Variants in RASSF5 observed in about 807,000 individuals in gnomAD.
RASSF5 encodes the protein ras association domain-containing protein 5.
A neutral mutation model predicts 40.5 loss-of-function variants in RASSF5; 25 were observed. That is an observed-to-expected ratio of 0.62 (90% confidence interval 0.45 to 0.86). The LOEUF (loss-of-function observed/expected upper bound fraction) is 0.86. RASSF5 is among the 40% of genes least tolerant of loss of function. The pLI is 0.00. For synonymous variants in RASSF5, 246 were observed against 252.4 expected (o/e 0.97, Z 0.24); for missense variants, 521 against 572.8 (o/e 0.91, Z 0.92).
intron 1 of RASSF5, among the ~76,000 whole-genome samples, chr1:206,514,074 G>C (rs1666687932): frequency 6.6e-6 from 1 of 152,246 alleles, no homozygotes; most frequent in African/African-American, 2.4e-5. Context: ...TGCCGGGCCT[G>C]TTCTAGCATG....
At position 206,554,505 on chromosome 1, in the gene RASSF5, C is replaced by T. The variant is rs77750634; in HGVS notation, c.579+16212C>T. Among the ~76,000 whole-genome samples the T allele has an allele frequency of 1.6e-4, 25 of 152,304 alleles. No individual in the cohort carries two copies. In the East Asian group the frequency reaches 4.2e-3, roughly 26 times the overall value. On this transcript the variant is annotated intron_variant, in intron 2 of 5. Coordinates refer to ENST00000579436, the MANE Select transcript of RASSF5 (RefSeq NM_182663.4). The stretch of plus-strand genomic sequence containing the variant: ...TGGGGCTTTCTGAACCCCAGCACGA[C>T]GCCATGGATTTAGGGCTCTGGCTGC...
chr1:206,529,321 G>A (rs1473737399), intron 1 of RASSF5: 7 of 783,690 alleles, frequency 8.9e-6, no homozygotes, highest in South Asian at 5.6e-5. Flanking sequence ...CTTCGAGCAG[G>A]AGTTAACACC....
chr1:206,581,580 CA>C, intron 2 of RASSF5, among the ~76,000 whole-genome samples: 1 of 149,642 alleles, frequency 6.7e-6, no homozygotes, highest in Non-Finnish European at 1.5e-5. Flanking sequence ...GCCTGGGTGA[CA>C]GAGGGAGACG....
chr1:206,557,076 C>G (rs1668010070), intron 2 of RASSF5: 1 of 938,586 alleles, frequency 1.1e-6, no homozygotes, highest in Non-Finnish European at 1.3e-6. Flanking sequence ...CCACCGGGGG[C>G]GGGTGGCACC....
chr1:206,557,868 A>T (rs1668034188), intron 2 of RASSF5, among the ~76,000 whole-genome samples: 1 of 152,216 alleles, frequency 6.6e-6, no homozygotes, highest in African/African-American at 2.4e-5. Context: ...GACCTGCACT[A>T]TTCAGTTGGT....
chr1:206,520,736 G>C (rs1301393918), intron 1 of RASSF5, among the ~76,000 whole-genome samples: 3 of 152,152 alleles, frequency 2.0e-5, no homozygotes, highest in Non-Finnish European at 4.4e-5. Flanking sequence ...ATTTTTCCAA[G>C]TATAGGATAG....
At chr1:206,522,933 T>A (rs542468919) in intron 1 of RASSF5, among the ~76,000 whole-genome samples, 1 of 152,280 alleles carries the variant, frequency 6.6e-6, no homozygotes, top group African/African-American at 2.4e-5. Flanking sequence ...AAAGTAAAGC[T>A]AATTTAAAAG....
Position 206,587,580 on chromosome 1 carries a change from G to C in RASSF5, c.*602G>C, listed in dbSNP as rs1669169531. 2 of 156,438 alleles carry C rather than the reference G, an allele frequency of 1.3e-5. No homozygotes were observed. The highest frequency in any genetic ancestry group is 1.3e-4 in the Admixed American group (2 of 15,866). The allele number at this position is 156,438 out of a possible 1,614,324, so 9.7% of individuals were successfully genotyped here. Reference sequence around the variant, plus strand: ...CAGGGTAAGGAGCACCAAAGCTGAGGCTGGCTCAGAGATCTCCAGAGAAGC... The same window carrying C: ...CAGGGTAAGGAGCACCAAAGCTGAGCCTGGCTCAGAGATCTCCAGAGAAGC... On this transcript the variant is annotated 3_prime_UTR_variant, in exon 6 of 6. Transcript: ENST00000579436.
chr1:206,510,067 A>G, intron 1 of RASSF5, among the ~76,000 whole-genome samples: 1 of 152,150 alleles, frequency 6.6e-6, no homozygotes, highest in East Asian at 1.9e-4. Flanking sequence ...TTAATATTTA[A>G]CTAATTGTGA....
chr1:206,536,699 G>A (rs995614280), intron 1 of RASSF5, among the ~76,000 whole-genome samples: 15 of 152,240 alleles, frequency 9.9e-5, no homozygotes, highest in African/African-American at 3.4e-4. Context: ...AAAGCATTTC[G>A]AGGTGCCTGA....
At chr1:206,523,467 T>A (rs1452385765) in intron 1 of RASSF5, among the ~76,000 whole-genome samples, 1 of 112,326 alleles carries the variant, frequency 8.9e-6, no homozygotes, top group Non-Finnish European at 1.7e-5. Context: ...ATTAAATATA[T>A]TTTATATACA....
chr1:206,557,473 C>A (rs528249807), intron 2 of RASSF5: 13 of 1,561,922 alleles, frequency 8.3e-6, no homozygotes, highest in South Asian at 3.5e-5. Context: ...TAGGGGCTTA[C>A]GCCAAGCGGA....
chr1:206,579,267 G>C lies in RASSF5; in HGVS notation c.580-4002G>C, dbSNP rs982581593. On this transcript the variant is annotated intron_variant, in intron 2 of 5. Coordinates refer to ENST00000579436, the MANE Select transcript of RASSF5 (RefSeq NM_182663.4). The surrounding 1 kb of genome is among the most constrained non-coding windows in gnomAD (Gnocchi z 4.2). ...AATTCCATGCCAGATGCACTGAGATGTGTGAGCCCCCAGGAGAGACACCTC... is the reference window on the plus strand; with the variant it reads ...AATTCCATGCCAGATGCACTGAGATCTGTGAGCCCCCAGGAGAGACACCTC... 1.2e-4 allele frequency among the ~76,000 whole-genome samples: 19 copies of C among 152,228 alleles called. No homozygotes were observed. The highest frequency in any genetic ancestry group is 4.6e-4 in the African/African-American group (19 of 41,450).
chr1:206,509,571 C>G (rs562566025), intron 1 of RASSF5, among the ~76,000 whole-genome samples: 1 of 152,276 alleles, frequency 6.6e-6, no homozygotes. Context: ...CATCCAACAA[C>G]CCTACACACA....
In RASSF5 at chr1:206,507,763, C is replaced by T; in HGVS notation, c.161C>T (p.Pro54Leu). 7.1e-7 allele frequency: 1 copy of T among 1,411,836 alleles called. No homozygotes were observed. The highest frequency in any genetic ancestry group is 9.2e-7 in the Non-Finnish European group (1 of 1,092,622). The allele number at this position is 1,411,836 out of a possible 1,614,324, so 87.5% of individuals were successfully genotyped here. Reference protein sequence around the residue: ...LCVPAPLSTAPGAREGRSARR... With the variant: ...LCVPAPLSTALGAREGRSARR... ...GTCCCGGCGCCCCTCTCCACTGCGC[C>T]CGGGGCGCGCGAGGGGCGCAGCGCC... Residue 54 changes from proline (P) to leucine (L), a missense_variant, in exon 1 of 6, where the codon CCC (proline) becomes CTC (leucine). Coordinates refer to ENST00000579436, the MANE Select transcript of RASSF5 (RefSeq NM_182663.4).
chr1:206,523,451 TAATATATTAAATATATTTTATATA>T (rs1666966919), intron 1 of RASSF5, among the ~76,000 whole-genome samples: 1 of 116,968 alleles, frequency 8.5e-6, no homozygotes, highest in Admixed American at 1.2e-4. Flanking sequence ...ATATAATATA[TAATATATTAAATATATTTTATATA>T]CAATATATAA....
Position 206,587,152 on chromosome 1 carries a change from G to C in RASSF5, c.*174G>C. On this transcript the variant is annotated 3_prime_UTR_variant, in exon 6 of 6. Transcript: ENST00000579436. ...GGACAAGTGTTTGCACGAGGGTTCA[G>C]CTGTGCCCGCCCCCAGGCTGTGCCC... The C allele has an allele frequency of 1.4e-6, 1 of 718,950 alleles. No individual in the cohort carries two copies. Among genetic ancestry groups the C allele is most frequent in the Non-Finnish European group, 2.3e-6 (1 of 429,506 alleles). The allele number at this position is 718,950 out of a possible 1,614,324, so 44.5% of individuals were successfully genotyped here.
rs74148003 is a variant in RASSF5, at chr1:206,513,027, G to C, written c.457+4968G>C. On this transcript the variant is annotated intron_variant, in intron 1 of 5. Coordinates refer to ENST00000579436, the MANE Select transcript of RASSF5 (RefSeq NM_182663.4). This position sits in a 1 kb window ranked among gnomAD's most constrained non-coding sequence, Gnocchi z 5.0. ...GACAGTGGTAAAGTTAGAACCTCTC[G>C]GGCGGGCCTCATTCTGACAGGTCTT... is the stretch of plus-strand genomic sequence containing the variant. Among the ~76,000 whole-genome samples the C allele has an allele frequency of 1.3e-5, 2 of 152,172 alleles. No homozygotes were observed. Among genetic ancestry groups the C allele is most frequent in the South Asian group, 4.1e-4 (2 of 4,834 alleles).
intron 1 of RASSF5, among the ~76,000 whole-genome samples, chr1:206,511,378 C>T (rs1666607843): frequency 6.6e-6 from 1 of 152,202 alleles, no homozygotes; most frequent in African/African-American, 2.4e-5. Context: ...CCTTAGTGTT[C>T]CTTCTGTAGA....
Sources: allele counts gnomAD v4.1 joint callset (sites outside exome capture counted in the v4.1 genomes callset), GRCh38; gene constraint gnomAD v4.1.1; non-coding constraint Gnocchi (gnomAD v3.1); transcripts MANE v1.5; gene names NCBI Gene and HGNC (gene_info 2026-07-23, HGNC 2026-07-21).